ANKS1B: variants seen among roughly 807,000 people sequenced by gnomAD.
ANKS1B encodes the protein ankyrin repeat and sterile alpha motif domain-containing protein 1B.
Under a neutral mutation model 148.3 loss-of-function variants are expected in ANKS1B, and 36 were observed. That is an observed-to-expected ratio of 0.24 (90% confidence interval 0.19 to 0.32). ANKS1B has a LOEUF of 0.32. ANKS1B is among the 10% of genes least tolerant of loss of function. ANKS1B has a pLI of 1.00. For missense variants in ANKS1B, 1,157 were observed against 1,542.6 expected, an observed-to-expected ratio of 0.75 and a Z score of 4.19; for synonymous variants, 542 against 560.8, an observed-to-expected ratio of 0.97 and a Z score of 0.47.
intron 14 of ANKS1B, among the ~76,000 whole-genome samples, chr12:99,226,146 T>C (rs984788980): frequency 6.6e-6 from 1 of 152,204 alleles, no homozygotes; most frequent in Non-Finnish European, 1.5e-5. Context: ...ATTTAGTCCA[T>C]TGAAAGAACT....
chr12:99,928,267 T>A (rs1347052638), intron 1 of ANKS1B, among the ~76,000 whole-genome samples: 1 of 79,622 alleles, frequency 1.3e-5, no homozygotes, highest in African/African-American at 6.7e-5. Context: ...TTTTATTTTA[T>A]TTTATTTTTT....
intron 1 of ANKS1B, among the ~76,000 whole-genome samples, chr12:99,895,746 C>T (rs990336751): frequency 6.6e-6 from 1 of 151,022 alleles, no homozygotes; most frequent in African/African-American, 2.4e-5. Flanking sequence ...GGCCAAAACC[C>T]TTACTCAGAG....
chr12:99,157,918 T>C (rs991696), intron 14 of ANKS1B, among the ~76,000 whole-genome samples: 7,231 of 152,258 alleles, frequency 0.047, 385 homozygotes, highest in African/African-American at 0.13. Flanking sequence ...GGTTATGAAC[T>C]ACTTTACAAA....
At chr12:99,064,032 G>A (rs1188656193) in intron 16 of ANKS1B, among the ~76,000 whole-genome samples, 1 of 152,196 alleles carries the variant, frequency 6.6e-6, no homozygotes, top group African/African-American at 2.4e-5. Flanking sequence ...GCTACAGAAA[G>A]TGGTAACCCC....
intron 1 of ANKS1B, among the ~76,000 whole-genome samples, chr12:99,911,356 C>T (rs2153787156): frequency 6.6e-6 from 1 of 152,264 alleles, no homozygotes; most frequent in Non-Finnish European, 1.5e-5. Context: ...AGCCAAATTC[C>T]AATCCTCTCA....
chr12:99,162,949 T>C (rs569901247), intron 14 of ANKS1B, among the ~76,000 whole-genome samples: 1 of 151,956 alleles, frequency 6.6e-6, no homozygotes, highest in Non-Finnish European at 1.5e-5. Context: ...TCCCAGCTAC[T>C]CTGGAGGCTG....
At chr12:99,192,632 G>A (rs2080886255) in intron 14 of ANKS1B, among the ~76,000 whole-genome samples, 1 of 152,080 alleles carries the variant, frequency 6.6e-6, no homozygotes, top group South Asian at 2.1e-4. Flanking sequence ...TTCTAGAAAT[G>A]AGTGGTCATA....
At chr12:99,014,875 T>C (rs577037132) in intron 17 of ANKS1B, among the ~76,000 whole-genome samples, 1 of 152,290 alleles carries the variant, frequency 6.6e-6, no homozygotes, top group Non-Finnish European at 1.5e-5. Context: ...TAACAGATGC[T>C]GGTGAGGTTG....
At chr12:99,865,615 G>A (rs942735188) in intron 1 of ANKS1B, among the ~76,000 whole-genome samples, 1 of 152,118 alleles carries the variant, frequency 6.6e-6, no homozygotes, top group Non-Finnish European at 1.5e-5. Context: ...GTATTTTCAA[G>A]GGAAAGTAAG....
At chr12:99,388,614 A>C (rs1593715984) in intron 12 of ANKS1B, among the ~76,000 whole-genome samples, 1 of 152,184 alleles carries the variant, frequency 6.6e-6, no homozygotes, top group South Asian at 2.1e-4. Context: ...GCATGCATTT[A>C]TTATCTCACA....
intron 12 of ANKS1B, among the ~76,000 whole-genome samples, chr12:99,325,198 C>T (rs908234776): frequency 7.2e-5 from 11 of 152,036 alleles, no homozygotes; most frequent in Non-Finnish European, 1.2e-4. Flanking sequence ...TAAACTCATA[C>T]TGAACAGGAT....
At chr12:99,523,414 AAC>A (rs1200293798) in intron 9 of ANKS1B, among the ~76,000 whole-genome samples, 1 of 152,344 alleles carries the variant, frequency 6.6e-6, no homozygotes, top group African/African-American at 2.4e-5. Flanking sequence ...GGGAGATGGT[AAC>A]AGGGACAGAT....
At chr12:98,968,460 A>G (rs12319594) in intron 17 of ANKS1B, among the ~76,000 whole-genome samples, 25,856 of 144,718 alleles carry the variant, frequency 0.18, 2,341 homozygotes, top group African/African-American at 0.24. Context: ...ATACCAGACC[A>G]AAAAAACAAA....
intron 12 of ANKS1B, among the ~76,000 whole-genome samples, chr12:99,252,124 A>C (rs933371748): frequency 6.6e-6 from 1 of 152,230 alleles, no homozygotes; most frequent in African/African-American, 2.4e-5. Context: ...CATTGAGCAG[A>C]CATAGAAATG....
intron 12 of ANKS1B, among the ~76,000 whole-genome samples, chr12:99,283,698 A>G (rs1268329575): frequency 6.6e-6 from 1 of 152,210 alleles, no homozygotes; most frequent in Admixed American, 6.6e-5. Context: ...TTGTAGCTAG[A>G]CACCTTGTAG....
chr12:99,593,070 G>C lies in ANKS1B; in HGVS notation c.1272+61997C>G, dbSNP rs368570680. Among the ~76,000 whole-genome samples the C allele has an allele frequency of 5.9e-5, 9 of 152,162 alleles. No homozygotes were observed. The South Asian group carries it at 1.5e-3, about 25-fold the overall frequency. ...TAGCAGGCTTCAGAGAGAACAGATT[G>C]TAAGTGTTTCTTATCAGATTTAAAG... is the stretch of plus-strand genomic sequence containing the variant. On this transcript the variant is annotated intron_variant, in intron 9 of 26. Transcript: ENST00000683438.
At position 99,775,578 on chromosome 12, in the gene ANKS1B, G is replaced by C. The variant is rs374005386; in HGVS notation, c.931C>G (p.Pro311Ala). ...DATQETHISS[P>A]VESPSQKTKS... ...GTCTTTTGGGAAGGAGACTCAACAG[G>C]AGATGAAATGTGTGTTTCTTGTGTT... Residue 311 changes from proline to alanine, a missense_variant, in exon 7 of 27, where the codon CCT becomes GCT. Coordinates refer to ENST00000683438, the MANE Select transcript of ANKS1B (RefSeq NM_001352186.2). The C allele has an allele frequency of 4.3e-6, 7 of 1,613,232 alleles. No homozygotes were observed. The highest frequency in any genetic ancestry group is 5.9e-6 in the Non-Finnish European group (7 of 1,179,492).
At chr12:99,909,885 G>A (rs2093937059) in intron 1 of ANKS1B, among the ~76,000 whole-genome samples, 1 of 151,526 alleles carries the variant, frequency 6.6e-6, no homozygotes, top group South Asian at 2.1e-4. Context: ...TGTATATAGT[G>A]ACTATTTCTC....
chr12:99,496,723 A>T (rs1182714178), intron 10 of ANKS1B, among the ~76,000 whole-genome samples: 5 of 150,984 alleles, frequency 3.3e-5, no homozygotes, highest in Non-Finnish European at 7.4e-5. Flanking sequence ...ACATCTGATA[A>T]TTTTTTTTTT....
Sources: allele counts gnomAD v4.1 joint callset (sites outside exome capture counted in the v4.1 genomes callset), GRCh38; gene constraint gnomAD v4.1.1; transcripts MANE v1.5; gene names NCBI Gene and HGNC (gene_info 2026-07-23, HGNC 2026-07-21).